The following PSME4 variants were observed in gnomAD, a reference collection of about 807,000 sequenced individuals.
PSME4 encodes the protein proteasome activator complex subunit 4.
Under a neutral mutation model 253.9 loss-of-function variants are expected in PSME4, and 89 were observed. That is an observed-to-expected ratio of 0.35 (90% CI 0.30 to 0.42). PSME4 has a LOEUF of 0.42. Ranked by LOEUF, PSME4 falls within the 10% of genes least tolerant of loss-of-function variation. The pLI is 1.00. For synonymous variants in PSME4, 851 were observed against 759.2 expected, an observed-to-expected ratio of 1.12 and a Z score of -1.99; for missense variants, 2,014 against 2,195.2, an observed-to-expected ratio of 0.92 and a Z score of 1.65.
At chr2:53,950,145 G>A (rs531413983) in intron 1 of PSME4, among the ~76,000 whole-genome samples, 2 of 152,202 alleles carry the variant, frequency 1.3e-5, no homozygotes, top group South Asian at 2.1e-4. Context: ...GCATGATGGC[G>A]TGCGCCTGTG....
intron 20 of PSME4, among the ~76,000 whole-genome samples, chr2:53,915,525 G>C (rs1247142493): frequency 6.6e-6 from 1 of 151,780 alleles, no homozygotes; most frequent in Non-Finnish European, 1.5e-5. Context: ...TGAGCTCACA[G>C]ACCAGTCTGG....
intron 1 of PSME4, among the ~76,000 whole-genome samples, chr2:53,962,802 G>A (rs868045524): frequency 2.0e-5 from 3 of 152,084 alleles, no homozygotes. Context: ...CATGAGGTCT[G>A]GAGATCGAGA....
Position 53,866,512 on chromosome 2 carries a change from T to C in PSME4, c.5397+235A>G, listed in dbSNP as rs1323236445. On this transcript the variant is annotated intron_variant, in intron 45 of 46. Transcript: ENST00000404125. ...CAATATTGACAGTACTTTACTTCCA[T>C]TGGACTGGGAGGGATAGAAGCTACA... 5.3e-5 allele frequency among the ~76,000 whole-genome samples: 8 copies of C among 152,314 alleles called. No individual in the cohort carries two copies. In the South Asian group the frequency reaches 1.2e-3, roughly 24 times the overall value.
intron 2 of PSME4, among the ~76,000 whole-genome samples, 170 bp from the exon 3 acceptor site, chr2:53,948,707 C>A (rs937095875): frequency 1.6e-4 from 25 of 152,280 alleles, no homozygotes; most frequent in African/African-American, 6.0e-4. Flanking sequence ...GAATAATGCA[C>A]CCAATTCTTG....
At chr2:53,968,142 G>A (rs943244892) in intron 1 of PSME4, among the ~76,000 whole-genome samples, 1 of 151,902 alleles carries the variant, frequency 6.6e-6, no homozygotes, top group Non-Finnish European at 1.5e-5. Context: ...AGGCATGGTG[G>A]CACTCGCCTA....
chr2:53,936,218 A>G lies in PSME4; in HGVS notation c.760-57T>C. 6 of 1,604,758 alleles carry G rather than the reference A, an allele frequency of 3.7e-6. No individual in the cohort carries two copies. The South Asian group carries it at 6.7e-5, about 18-fold the overall frequency. ...TATTTGTTGTTATTGTTTAAGTGTC[A>G]TAGTCACACCCCTCCTCCATTTGTT... On this transcript the variant is annotated intron_variant, in intron 6 of 46. Coordinates refer to ENST00000404125, the MANE Select transcript of PSME4 (RefSeq NM_014614.3).
At chr2:53,888,167 AT>A in intron 38 of PSME4, 178 bp from the exon 39 acceptor site, 1 of 516,518 alleles carries the variant, frequency 1.9e-6, no homozygotes, top group Non-Finnish European at 3.1e-6. Context: ...TTCCTATATC[AT>A]TTTCTCTGTA....
chr2:53,906,222 C>T lies in PSME4; in HGVS notation c.2943+376G>A, dbSNP rs572625716. 2.4e-4 allele frequency among the ~76,000 whole-genome samples: 37 copies of T among 152,222 alleles called. 1 individual carries two copies. The East Asian group carries it at 6.2e-3, about 25-fold the overall frequency. On this transcript the variant is annotated intron_variant, in intron 26 of 46. Transcript: ENST00000404125. Reference sequence around the variant, plus strand: ...TGTCTAGGAGGAATTATGTGGCCTTCGTAGACTGGGCTTCAAAATGTGATT... The same window carrying T: ...TGTCTAGGAGGAATTATGTGGCCTTTGTAGACTGGGCTTCAAAATGTGATT...
rs1328189566 is a variant in PSME4, at chr2:53,874,420, G to C, written c.5019C>G (p.Leu1673=). The C allele has an allele frequency of 1.2e-6, 2 of 1,613,878 alleles. No homozygotes were observed. Among genetic ancestry groups the C allele is most frequent in the African/African-American group, 2.7e-5 (2 of 74,926 alleles). The change falls in exon 43 of 47, where the codon CTC becomes CTG. Residue 1673 remains leucine (L), a synonymous_variant. Transcript: ENST00000404125. The part of the protein sequence containing the change: ...TYLQTMVFYN[L]FIFLNNEDAV... ...CATCTTCATTGTTTAGGAAAATAAA[G>C]AGGTTATAAAATACCATGGTCTGGA... is the stretch of plus-strand genomic sequence containing the variant.
chr2:53,894,639 G>T (rs530425870), intron 34 of PSME4, among the ~76,000 whole-genome samples: 2 of 148,932 alleles, frequency 1.3e-5, no homozygotes, highest in Non-Finnish European at 2.9e-5. Flanking sequence ...CTACCAACAT[G>T]CATTTACGGA....
rs988761168 is a variant in PSME4 at position 53,970,925 on chromosome 2, C to G, written c.-141G>C. The G allele has an allele frequency of 3.0e-6, 2 of 656,378 alleles. No homozygotes were observed. Among genetic ancestry groups the G allele is most frequent in the Non-Finnish European group, 4.7e-6 (2 of 428,632 alleles). 40.7% of individuals were successfully genotyped at this position (656,378 alleles called of 1,614,324 possible). On this transcript the variant is annotated 5_prime_UTR_variant, in exon 1 of 47. Transcript: ENST00000404125. Reference sequence around the variant, plus strand: ...GCCCTCGGACCGATCGCTAGGCCCCCTTCCCTGGCCGGCGTGCTGCTGGGC... The same window carrying G: ...GCCCTCGGACCGATCGCTAGGCCCCGTTCCCTGGCCGGCGTGCTGCTGGGC...
chr2:53,876,713 A>ATTTTTTTTTTTTTTTTTTTTT (rs1224675454), intron 41 of PSME4, among the ~76,000 whole-genome samples: 11 of 77,184 alleles, frequency 1.4e-4, no homozygotes, highest in Admixed American at 2.7e-4. Flanking sequence ...AGCCACTGTC[A>ATTTTTTTTTTTTTTTTTTTTT]TTCTTTTTTT....
intron 4 of PSME4, among the ~76,000 whole-genome samples, chr2:53,938,054 G>A (rs1669204856): frequency 6.6e-6 from 1 of 151,802 alleles, no homozygotes; most frequent in Non-Finnish European, 1.5e-5. Context: ...TTGTCTAAGG[G>A]AATTTTTCTA....
chr2:53,898,504 G>C, intron 29 of PSME4, 150 bp from the exon 30 acceptor site: 2 of 595,152 alleles, frequency 3.4e-6, no homozygotes, highest in East Asian at 2.9e-5. Flanking sequence ...AAGCAAGCCA[G>C]AATGAAAGTA....
At chr2:53,877,389 G>T (rs953646928) in intron 41 of PSME4, among the ~76,000 whole-genome samples, 3 of 151,552 alleles carry the variant, frequency 2.0e-5, no homozygotes, top group African/African-American at 7.3e-5. Context: ...CTCTAGCCAG[G>T]GTGACAGAGT....
In PSME4 at chr2:53,906,607, T is replaced by G. The variant is rs805316; in HGVS notation, c.2934A>C (p.Ser978=). The G allele has an allele frequency of 7.6e-6, 12 of 1,585,004 alleles. No homozygotes were observed. The South Asian group carries it at 1.3e-4, about 17-fold the overall frequency. ...IRDLLRLSTS[S]YSQVRNKAQQ... ...TTTGGATAAGCCTTACCTGACTGTATGAACTTGTAGATAAACGAAGAAGAT... is the reference window on the plus strand; with the variant it reads ...TTTGGATAAGCCTTACCTGACTGTAGGAACTTGTAGATAAACGAAGAAGAT... Residue 978 remains serine, a synonymous_variant, in exon 26 of 47, where the codon TCA becomes TCC. Coordinates refer to ENST00000404125, the MANE Select transcript of PSME4 (RefSeq NM_014614.3).
intron 41 of PSME4, among the ~76,000 whole-genome samples, chr2:53,885,293 C>T (rs1453570203): frequency 1.3e-5 from 2 of 152,136 alleles, no homozygotes; most frequent in Admixed American, 1.3e-4. Context: ...GGTCCTTTAA[C>T]ATTGTAAAAC....
At chr2:53,914,587 A>G (rs1278620191) in intron 20 of PSME4, among the ~76,000 whole-genome samples, 1 of 152,234 alleles carries the variant, frequency 6.6e-6, no homozygotes, top group East Asian at 1.9e-4. Flanking sequence ...TATAGTAAGT[A>G]TAAGATATTT....
rs577426036 is a variant in PSME4, at chr2:53,946,141, T to C, written c.500+2280A>G. Among the ~76,000 whole-genome samples the C allele has an allele frequency of 1.3e-4, 20 of 152,312 alleles. No individual in the cohort carries two copies. The South Asian group carries it at 1.5e-3, about 11-fold the overall frequency. ...CTCTTATCACTGAAGAGGAAAGCCA[T>C]AGATACTTATTAATGACCACAAAGG... On this transcript the variant is annotated intron_variant, in intron 3 of 46. Transcript: ENST00000404125.
Sources: gnomAD v4.1 joint callset for allele counts (sites outside exome capture counted in the v4.1 genomes callset) on GRCh38, gnomAD v4.1.1 for gene constraint, MANE v1.5 for transcripts, NCBI Gene and HGNC (gene_info 2026-07-23, HGNC 2026-07-21) for gene names.